ITGB3BP: variants seen among roughly 807,000 people sequenced by gnomAD.
ITGB3BP encodes centromere protein R.
In ITGB3BP, 27 loss-of-function variants were observed where a neutral mutation model predicts 29.1. The observed-to-expected ratio is 0.93, with a 90% CI of 0.68 to 1.28. ITGB3BP has a LOEUF of 1.28. ITGB3BP is among the 50% of genes most tolerant of loss of function. The pLI, the probability that ITGB3BP is intolerant of heterozygous loss-of-function variation, is 0.00. For synonymous variants in ITGB3BP, 61 were observed against 61.4 expected (o/e 0.99, Z 0.03); for missense variants, 192 against 200.2 (o/e 0.96, Z 0.25).
At chr1:63,457,196 T>C (rs1251488544) in intron 4 of ITGB3BP, 1 of 152,222 alleles carries the variant, frequency 6.6e-6, no homozygotes, top group Non-Finnish European at 1.5e-5. Flanking sequence ...TATACAACTG[T>C]TAAATCCTGA....
intron 4 of ITGB3BP, among the ~76,000 whole-genome samples, chr1:63,468,106 ATCTAT>A: frequency 6.6e-6 from 1 of 152,164 alleles, no homozygotes; most frequent in Non-Finnish European, 1.5e-5. Flanking sequence ...AAACCAGTTC[ATCTAT>A]TAATACATAG....
At chr1:63,488,776 C>T (rs541676903) in intron 3 of ITGB3BP, among the ~76,000 whole-genome samples, 34 of 152,058 alleles carry the variant, frequency 2.2e-4, no homozygotes, top group African/African-American at 7.5e-4. Context: ...TCAGTGTAAC[C>T]ACTATGTAGG....
intron 2 of ITGB3BP, among the ~76,000 whole-genome samples, chr1:63,506,524 T>C (rs1381073011): frequency 6.6e-6 from 1 of 152,092 alleles, no homozygotes; most frequent in Non-Finnish European, 1.5e-5. Context: ...AGGTGGGAAT[T>C]ACGGGAGTAC....
chr1:63,469,029 A>G (rs1216883636), intron 4 of ITGB3BP, among the ~76,000 whole-genome samples: 1 of 140,658 alleles, frequency 7.1e-6, no homozygotes, highest in East Asian at 2.2e-4. Context: ...CCAGCCTGGC[A>G]ACAGAGTGAG....
At chr1:63,491,581 C>T (rs1238187613) in intron 2 of ITGB3BP, among the ~76,000 whole-genome samples, 3 of 152,060 alleles carry the variant, frequency 2.0e-5, no homozygotes, top group Non-Finnish European at 4.4e-5. Context: ...GTCAACTATC[C>T]TTTATTTTTA....
chr1:63,478,800 G>A lies in ITGB3BP; in HGVS notation c.218C>T (p.Thr73Ile), dbSNP rs761012901. The A allele has an allele frequency of 1.4e-6, 2 of 1,459,290 alleles. No homozygotes were observed. The highest frequency in any genetic ancestry group is 2.7e-5 in the South Asian group (2 of 75,174). 90.4% of individuals were successfully genotyped at this position (1,459,290 alleles called of 1,614,324 possible). Residue 73 changes from threonine (T) to isoleucine (I), a missense_variant, in exon 4 of 9, where the codon ACT becomes ATT. Transcript: ENST00000271002. ...TTTTGTTGTAGATTCTTTGCTTTCA[G>A]TTAAACTGGGGTGATTCAATTTTTT... Reference protein sequence around the residue: ...KRKKLNHPSLTESKESTTKDN... With the variant: ...KRKKLNHPSLIESKESTTKDN...
chr1:63,483,831 T>C (rs1197543377), intron 3 of ITGB3BP, among the ~76,000 whole-genome samples: 1 of 152,196 alleles, frequency 6.6e-6, no homozygotes, highest in Admixed American at 6.5e-5. Flanking sequence ...TGATTGCCTA[T>C]GGTATTCAGT....
At chr1:63,450,050 GT>G (rs1417163575) in intron 7 of ITGB3BP, among the ~76,000 whole-genome samples, 3 of 152,016 alleles carry the variant, frequency 2.0e-5, no homozygotes, top group African/African-American at 7.2e-5. Flanking sequence ...AATTTGTCCT[GT>G]TGTCTAAGAA....
chr1:63,473,412 G>A lies in ITGB3BP; in HGVS notation c.254+5352C>T, dbSNP rs1226370302. On this transcript the variant is annotated intron_variant, in intron 4 of 8. Transcript: ENST00000271002. ...AGGTGAGGGGCTCCTCTGCCCGGCC[G>A]CCCCTACTGGGAAGTGAGGAGCCCC... Among the ~76,000 whole-genome samples, 563 of 135,488 alleles carry A rather than the reference G, an allele frequency of 4.2e-3. 1 individual carries two copies. Among genetic ancestry groups the A allele is most frequent in the African/African-American group, 0.015 (507 of 33,542 alleles). 88.9% of individuals were successfully genotyped at this position (135,488 alleles called of 152,430 possible). A position where few individuals can be genotyped will look rare whatever the true frequency, so the allele number is the denominator to read the frequency against.
intron 4 of ITGB3BP, among the ~76,000 whole-genome samples, chr1:63,472,820 C>A (rs796908267): frequency 6.6e-6 from 1 of 151,848 alleles, no homozygotes; most frequent in Non-Finnish European, 1.5e-5. Context: ...GATCTCGGCT[C>A]GCTACAACCT....
intron 3 of ITGB3BP, among the ~76,000 whole-genome samples, chr1:63,484,098 A>C (rs1645485095): frequency 6.6e-6 from 1 of 152,188 alleles, no homozygotes; most frequent in Non-Finnish European, 1.5e-5. Flanking sequence ...ATGGATCAAA[A>C]ATACTTTGTT....
chr1:63,482,371 C>T (rs112405207), intron 3 of ITGB3BP, among the ~76,000 whole-genome samples: 3,246 of 146,996 alleles, frequency 0.022, 124 homozygotes, highest in African/African-American at 0.076. Flanking sequence ...TTGATAAATA[C>T]TATAGGCAAT....
chr1:63,509,205 T>A (rs576876363), intron 1 of ITGB3BP, among the ~76,000 whole-genome samples: 1 of 152,330 alleles, frequency 6.6e-6, no homozygotes, highest in South Asian at 2.1e-4. Flanking sequence ...TCTGTTCTGC[T>A]AAACTGGATG....
chr1:63,518,863 G>A (rs547055024), intron 1 of ITGB3BP, among the ~76,000 whole-genome samples: 1 of 151,772 alleles, frequency 6.6e-6, no homozygotes, highest in Non-Finnish European at 1.5e-5. Flanking sequence ...TGTTTTTTAG[G>A]TATGCCTCTC....
intron 4 of ITGB3BP, among the ~76,000 whole-genome samples, chr1:63,462,106 A>G (rs892623002): frequency 6.6e-6 from 1 of 152,254 alleles, no homozygotes; most frequent in African/African-American, 2.4e-5. Context: ...CTTCTTGCCC[A>G]TGAATACAGA....
intron 4 of ITGB3BP, among the ~76,000 whole-genome samples, chr1:63,455,574 C>T (rs1052937690): frequency 1.3e-5 from 2 of 152,082 alleles, no homozygotes; most frequent in Admixed American, 1.3e-4. Context: ...CCTCCCAAAG[C>T]ACTGTGATTA....
In ITGB3BP at chr1:63,499,240, C is replaced by G. The variant is rs551088470; in HGVS notation, c.49-9022G>C. Among the ~76,000 whole-genome samples, 640 of 148,648 alleles carry G rather than the reference C, an allele frequency of 4.3e-3. 1 individual carries two copies. Among genetic ancestry groups the G allele is most frequent in the Non-Finnish European group, 5.8e-3 (392 of 67,438 alleles). ...GCAATGGCGCGATCTCGGCTCACCGCAACCTCCGTATCCCGGGTTCAAGCA... is the reference window on the plus strand; with the variant it reads ...GCAATGGCGCGATCTCGGCTCACCGGAACCTCCGTATCCCGGGTTCAAGCA... On this transcript the variant is annotated intron_variant, in intron 2 of 8. Transcript: ENST00000271002.
intron 3 of ITGB3BP, among the ~76,000 whole-genome samples, chr1:63,482,861 C>T (rs1318027312): frequency 6.6e-6 from 1 of 151,988 alleles, no homozygotes; most frequent in African/African-American, 2.4e-5. Context: ...GCCATGTTGG[C>T]CAGGCTAATC....
intron 2 of ITGB3BP, among the ~76,000 whole-genome samples, chr1:63,499,948 T>C (rs1355739425): frequency 3.3e-5 from 5 of 152,228 alleles, no homozygotes; most frequent in Admixed American, 3.3e-4. Flanking sequence ...ATGTCTGCTC[T>C]TGCCACTTCT....
Sources: gnomAD v4.1 joint callset for allele counts (sites outside exome capture counted in the v4.1 genomes callset) on GRCh38, gnomAD v4.1.1 for gene constraint, MANE v1.5 for transcripts, NCBI Gene and HGNC (gene_info 2026-07-23, HGNC 2026-07-21) for gene names.